PDZRN4: variants seen among roughly 807,000 people sequenced by gnomAD.
PDZRN4 encodes PDZ domain-containing RING finger protein 4.
In PDZRN4, 70 loss-of-function variants were observed where a neutral mutation model predicts 99.0. The observed-to-expected ratio is 0.71, with a 90% confidence interval of 0.58 to 0.86. The LOEUF is 0.86. PDZRN4 is among the 40% of genes least tolerant of loss of function. The pLI is 0.00. For synonymous variants in PDZRN4, 551 were observed against 501.6 expected, an observed-to-expected ratio of 1.10 and a Z score of -1.32; for missense variants, 1,474 against 1,331.2, an observed-to-expected ratio of 1.11 and a Z score of -1.67.
In PDZRN4 at chr12:41,260,550, A is replaced by G. The variant is rs573887036; in HGVS notation, c.843+66362A>G. Among the ~76,000 whole-genome samples the G allele has an allele frequency of 3.9e-5, 6 of 152,266 alleles. No individual in the cohort carries two copies. The South Asian group carries it at 1.2e-3, about 32-fold the overall frequency. ...ATTTTTTACATAACAGCATTATGAA[A>G]CTAAGGTTGCCTTATTTAAGTATTA... On this transcript the variant is annotated intron_variant, in intron 3 of 9. Transcript: ENST00000402685.
chr12:41,188,849 G>T lies in PDZRN4; in HGVS notation c.394G>T (p.Gly132Cys), dbSNP rs572012656. The stretch of plus-strand genomic sequence containing the variant: ...CGGTGGTGAGGTGCCCGCGCGGGGG[G>T]GCTGCGGTCCGACACCCAGGGCTGG... ...LGGGEVPARG[G>C]CGPTPRAGRG... Residue 132 changes from glycine to cysteine, a missense_variant, in exon 1 of 10, where the codon GGC (glycine) becomes TGC (cysteine). By Grantham distance (159) the Gly-to-Cys change is radical (BLOSUM62 -3). Coordinates refer to ENST00000402685, the MANE Select transcript of PDZRN4 (RefSeq NM_001164595.2). 2.5e-5 allele frequency: 31 copies of T among 1,261,910 alleles called. No homozygotes were observed. The highest frequency in any genetic ancestry group is 1.6e-4 in the East Asian group (5 of 30,630). 78.2% of individuals were successfully genotyped at this position (1,261,910 alleles called of 1,614,324 possible).
At chr12:41,338,455 T>A (rs1951791081) in intron 3 of PDZRN4, among the ~76,000 whole-genome samples, 1 of 151,744 alleles carries the variant, frequency 6.6e-6, no homozygotes, top group African/African-American at 2.4e-5. Context: ...AAAAAATAAA[T>A]CTCAGAGATG....
In PDZRN4 at chr12:41,522,383, G is replaced by A. The variant is rs537087916; in HGVS notation, c.1203+12470G>A. Among the ~76,000 whole-genome samples the A allele has an allele frequency of 2.6e-5, 4 of 152,154 alleles. No homozygotes were observed. In the South Asian group the frequency reaches 8.3e-4, roughly 32 times the overall value. On this transcript the variant is annotated intron_variant, in intron 5 of 9. Coordinates refer to ENST00000402685, the MANE Select transcript of PDZRN4 (RefSeq NM_001164595.2). ...TTACTTTTTTCTGGGTTAACTTGAA[G>A]GTCTAAGTCTCCCAAATGATGAGCT...
intron 5 of PDZRN4, among the ~76,000 whole-genome samples, chr12:41,543,297 T>A (rs1298099069): frequency 2.6e-5 from 4 of 152,146 alleles, no homozygotes; most frequent in Non-Finnish European, 5.9e-5. Flanking sequence ...TAAGAATGCA[T>A]CTCTTGAAAA....
intron 3 of PDZRN4, among the ~76,000 whole-genome samples, chr12:41,469,864 A>G (rs1212291322): frequency 6.6e-6 from 1 of 152,188 alleles, no homozygotes; most frequent in Admixed American, 6.5e-5. Flanking sequence ...TGGGAGGCAG[A>G]GCTTGCAGTG....
intron 3 of PDZRN4, among the ~76,000 whole-genome samples, chr12:41,464,820 C>CTTTTTTTTTTTTTTTTTTTTTTTTTTTTT (rs5797739): frequency 9.5e-6 from 1 of 104,842 alleles, no homozygotes; most frequent in Non-Finnish European, 1.9e-5. Flanking sequence ...GCCTGTTGTA[C>CTTTTTTTTTTTTTTTTTTTTTTTTTTTTT]TTTTTTTTTT....
At chr12:41,509,406 T>C (rs2252312) in intron 4 of PDZRN4, 1 of 152,904 alleles carries the variant, frequency 6.5e-6, no homozygotes, top group East Asian at 1.9e-4. Context: ...ATTATGAAAT[T>C]GGTAGTACTT....
At chr12:41,295,952 C>T (rs965351639) in intron 3 of PDZRN4, among the ~76,000 whole-genome samples, 1 of 152,024 alleles carries the variant, frequency 6.6e-6, no homozygotes, top group Non-Finnish European at 1.5e-5. Context: ...AGCCTGCAGG[C>T]ACAGACCATC....
At chr12:41,195,728 T>C (rs1244357997) in intron 3 of PDZRN4, among the ~76,000 whole-genome samples, 2 of 152,190 alleles carry the variant, frequency 1.3e-5, no homozygotes, top group African/African-American at 2.4e-5. Context: ...TCTTGACAAT[T>C]TGTCTAGTGG....
At chr12:41,541,906 AT>A (rs368798346) in intron 5 of PDZRN4, among the ~76,000 whole-genome samples, 2 of 152,292 alleles carry the variant, frequency 1.3e-5, no homozygotes, top group African/African-American at 4.8e-5. Context: ...GGCAAAAGGT[AT>A]TTTGCCTTTC....
intron 3 of PDZRN4, among the ~76,000 whole-genome samples, chr12:41,390,579 T>TAAAAAAAAAAA (rs1555138907): frequency 6.3e-5 from 6 of 95,334 alleles, no homozygotes; most frequent in South Asian, 3.7e-4. Context: ...AAAAAAAAAG[T>TAAAAAAAAAAA]AAAAGCTTTT....
chr12:41,425,816 T>C lies in PDZRN4; in HGVS notation c.844-80640T>C, dbSNP rs544081573. Among the ~76,000 whole-genome samples the C allele has an allele frequency of 2.0e-5, 3 of 152,282 alleles. No homozygotes were observed. In the South Asian group the frequency reaches 6.2e-4, roughly 32 times the overall value. On this transcript the variant is annotated intron_variant, in intron 3 of 9. Transcript: ENST00000402685. Reference sequence around the variant, plus strand: ...CCTACTAAAGCCTATCAAAATATAGTGGGTTCAGTATTAATGAGATGATTT... The same window carrying C: ...CCTACTAAAGCCTATCAAAATATAGCGGGTTCAGTATTAATGAGATGATTT...
intron 3 of PDZRN4, among the ~76,000 whole-genome samples, chr12:41,253,827 T>C (rs1311404591): frequency 6.6e-6 from 1 of 152,154 alleles, no homozygotes; most frequent in African/African-American, 2.4e-5. Context: ...AATTGTGTCA[T>C]GTGCAGCAAC....
intron 3 of PDZRN4, among the ~76,000 whole-genome samples, chr12:41,388,670 T>C (rs992047455): frequency 1.3e-5 from 2 of 152,190 alleles, no homozygotes; most frequent in African/African-American, 4.8e-5. Context: ...TGGTGAGAAA[T>C]GTTCAGAAAC....
Position 41,467,121 on chromosome 12 carries a change from T to G in PDZRN4, c.844-39335T>G, listed in dbSNP as rs183075689. 2.9e-4 allele frequency among the ~76,000 whole-genome samples: 44 copies of G among 152,246 alleles called. 2 individuals are homozygous for G. Among genetic ancestry groups the G allele is most frequent in the Non-Finnish European group, 4.4e-5 (3 of 68,046 alleles). On this transcript the variant is annotated intron_variant, in intron 3 of 9. Transcript: ENST00000402685. ...CAGCGCAAAATAGCTTCGCTCCTGA[T>G]GGGATCATGGCATACCTAACCACAA...
At chr12:41,245,977 G>A (rs1307777186) in intron 3 of PDZRN4, among the ~76,000 whole-genome samples, 1 of 152,144 alleles carries the variant, frequency 6.6e-6, no homozygotes. Flanking sequence ...TTGCAATGTG[G>A]AGGCATATGG....
chr12:41,408,381 C>G (rs1165272836), intron 3 of PDZRN4, among the ~76,000 whole-genome samples: 1 of 152,180 alleles, frequency 6.6e-6, no homozygotes, highest in Non-Finnish European at 1.5e-5. Context: ...TTAAGCTGCT[C>G]TGGGTAAAGT....
chr12:41,500,563 G>A (rs1232317628), intron 3 of PDZRN4, among the ~76,000 whole-genome samples: 2 of 152,028 alleles, frequency 1.3e-5, no homozygotes, highest in Non-Finnish European at 2.9e-5. Context: ...ATCAGTGATT[G>A]TTTTGTTCAT....
At chr12:41,267,450 A>C (rs563943259) in intron 3 of PDZRN4, among the ~76,000 whole-genome samples, 3 of 152,166 alleles carry the variant, frequency 2.0e-5, no homozygotes, top group Non-Finnish European at 4.4e-5. Context: ...AAAAAAACAG[A>C]AGAGAGAACC....
Sources: allele counts gnomAD v4.1 joint callset (sites outside exome capture counted in the v4.1 genomes callset), GRCh38; gene constraint gnomAD v4.1.1; transcripts MANE v1.5; gene names NCBI Gene and HGNC (gene_info 2026-07-23, HGNC 2026-07-21).